Variants in BCL2L13 observed in about 807,000 individuals in gnomAD.
BCL2L13 encodes the protein bcl-2-like protein 13.
BCL2L13 carries 13 observed loss-of-function variants against 25.8 expected under a neutral mutation model. The ratio of observed to expected loss-of-function variants is 0.50; its 90% CI spans 0.33 to 0.80. The LOEUF is 0.80. Ranked by LOEUF, BCL2L13 falls within the 30% of genes least tolerant of loss-of-function variation. The pLI is 0.02. For synonymous variants in BCL2L13, 244 were observed against 230.3 expected (o/e 1.06, Z -0.54); for missense variants, 504 against 574.9 (o/e 0.88, Z 1.26).
upstream of BCL2L13, chr22:17,628,911 T>TG: frequency 1.9e-6 from 1 of 514,818 alleles, no homozygotes; most frequent in Non-Finnish European, 3.5e-6. Flanking sequence ...TGACCGGTAT[T>TG]TTTTTCCTAA....
chr22:17,657,828 T>TC (rs2058929932), intron 2 of BCL2L13, among the ~76,000 whole-genome samples: 3 of 93,390 alleles, frequency 3.2e-5, no homozygotes. Context: ...CATTTCTTTT[T>TC]TTTTTTTTTT....
At chr22:17,705,132 G>T (rs2060553134) in intron 6 of BCL2L13, among the ~76,000 whole-genome samples, 1 of 151,648 alleles carries the variant, frequency 6.6e-6, no homozygotes. Flanking sequence ...AATTATCTGG[G>T]TGTGGTGGCA....
At chr22:17,638,636 A>C (rs2058153085), upstream of BCL2L13, 2 of 1,219,724 alleles carry the variant, frequency 1.6e-6, no homozygotes, top group Non-Finnish European at 2.0e-6. Flanking sequence ...TCACATCTGG[A>C]CGGAGAGACC....
rs551041986 is a variant in BCL2L13, at chr22:17,669,689, G to A, written c.122-13525G>A. Among the ~76,000 whole-genome samples the A allele has an allele frequency of 3.3e-5, 5 of 152,230 alleles. No individual in the cohort carries two copies. The South Asian group carries it at 6.2e-4, about 19-fold the overall frequency. On this transcript the variant is annotated intron_variant, in intron 2 of 6. Coordinates refer to ENST00000317582, the MANE Select transcript of BCL2L13 (RefSeq NM_015367.4). ...TTAAACAAAGCAAAATATAGTAGCC[G>A]TTACAAATGGATTAATCCATTCGTG... is the stretch of plus-strand genomic sequence containing the variant.
intron 6 of BCL2L13, among the ~76,000 whole-genome samples, chr22:17,723,558 C>A (rs1026493501): frequency 5.3e-5 from 8 of 152,096 alleles, no homozygotes; most frequent in African/African-American, 1.9e-4. Flanking sequence ...ATTAAAATGA[C>A]AACACAAACA....
chr22:17,696,366 C>T (rs16981019), intron 5 of BCL2L13, among the ~76,000 whole-genome samples, 156 bp downstream of exon 5: 234 of 152,268 alleles, frequency 1.5e-3, no homozygotes, highest in African/African-American at 5.3e-3. Context: ...ACTGGTTTTT[C>T]GATTAATGCT....
intron 6 of BCL2L13, among the ~76,000 whole-genome samples, chr22:17,714,818 A>G (rs2060867399): frequency 6.6e-6 from 1 of 151,886 alleles, no homozygotes; most frequent in East Asian, 1.9e-4. Flanking sequence ...AGAGACTTGC[A>G]GGTCTAGAAT....
intron 2 of BCL2L13, among the ~76,000 whole-genome samples, chr22:17,672,235 A>G (rs182459495): frequency 6.6e-6 from 1 of 152,374 alleles, no homozygotes; most frequent in African/African-American, 2.4e-5. Flanking sequence ...AGGACCAGAT[A>G]CTGCATGCTA....
chr22:17,631,710 T>A (rs1438666650), intron 1 of BCL2L13, among the ~76,000 whole-genome samples: 270 of 13,170 alleles, frequency 0.021, no homozygotes, highest in South Asian at 0.041. Flanking sequence ...ATATATATTT[T>A]TTTTTTTTTT....
chr22:17,705,518 C>T lies in BCL2L13; in HGVS notation c.600+3132C>T, dbSNP rs868264088. 7.2e-5 allele frequency among the ~76,000 whole-genome samples: 11 copies of T among 151,788 alleles called. No homozygotes were observed. The East Asian group carries it at 1.4e-3, about 19-fold the overall frequency. ...TTCACTGTGTTAGCCAGGATGGTCTCGATCTCCTGACCTCGTGATCCACCC... is the reference window on the plus strand; with the variant it reads ...TTCACTGTGTTAGCCAGGATGGTCTTGATCTCCTGACCTCGTGATCCACCC... On this transcript the variant is annotated intron_variant, in intron 6 of 6. Transcript: ENST00000317582.
chr22:17,679,632 A>C (rs903834803), intron 2 of BCL2L13, among the ~76,000 whole-genome samples: 1 of 151,982 alleles, frequency 6.6e-6, no homozygotes, highest in Non-Finnish European at 1.5e-5. Context: ...AATCACCTGA[A>C]AGTAGAAGAA....
At chr22:17,647,202 C>T (rs1217933620) in intron 1 of BCL2L13, among the ~76,000 whole-genome samples, 2 of 151,728 alleles carry the variant, frequency 1.3e-5, no homozygotes, top group African/African-American at 2.4e-5. Flanking sequence ...TTTCGATCTC[C>T]TGACCTTGTG....
intron 1 of BCL2L13, among the ~76,000 whole-genome samples, chr22:17,640,262 G>A (rs1384212415): frequency 6.6e-6 from 1 of 152,180 alleles, no homozygotes; most frequent in African/African-American, 2.4e-5. Context: ...AGGCAGTTAA[G>A]GGTATTGAAA....
chr22:17,635,494 T>C (rs1018259840), upstream of BCL2L13, among the ~76,000 whole-genome samples: 121 of 152,318 alleles, frequency 7.9e-4, no homozygotes, highest in African/African-American at 2.7e-3. Context: ...ACAATCTCTT[T>C]CCTCATTGAA....
upstream of BCL2L13, among the ~76,000 whole-genome samples, chr22:17,636,005 G>A (rs990932987): frequency 1.3e-5 from 2 of 149,794 alleles, no homozygotes; most frequent in East Asian, 2.1e-4. Flanking sequence ...CACCACGCCC[G>A]GCCTACAAAA....
Position 17,638,844 on chromosome 22 carries a change from C to T in BCL2L13, c.-93C>T, listed in dbSNP as rs997899890. On this transcript the variant is annotated 5_prime_UTR_variant, in exon 1 of 7. Coordinates refer to ENST00000317582, the MANE Select transcript of BCL2L13 (RefSeq NM_015367.4). ...GGGACCCTGTCGGAAGCAACTGCCG[C>T]CGCCGCCTCTTTCATCTCTTCTGGG... The T allele has an allele frequency of 1.1e-5, 13 of 1,232,042 alleles. No individual in the cohort carries two copies. The highest frequency in any genetic ancestry group is 1.3e-5 in the Non-Finnish European group (13 of 988,350). The allele number at this position is 1,232,042 out of a possible 1,614,324, so 76.3% of individuals were successfully genotyped here.
intron 1 of BCL2L13, 143 bp from the exon 2 acceptor site, chr22:17,655,519 A>G (rs2058827064): frequency 9.7e-6 from 4 of 410,648 alleles, no homozygotes; most frequent in African/African-American, 6.3e-5. Flanking sequence ...TGGTGAGCTG[A>G]GATTGCGCCA....
In BCL2L13 at chr22:17,696,230, TTC is replaced by T; in HGVS notation, c.456+24_456+25del. On this transcript the variant is annotated intron_variant, in intron 5 of 6. Coordinates refer to ENST00000317582, the MANE Select transcript of BCL2L13 (RefSeq NM_015367.4). ...AATAAGGTATCATCACAATGATCTT[TTC>T]TCTTAAAAGATTTTAGTGTGTTAAT... 6.2e-7 allele frequency: 1 copy of T among 1,603,712 alleles called. No homozygotes were observed. Among genetic ancestry groups the T allele is most frequent in the Non-Finnish European group, 8.5e-7 (1 of 1,170,774 alleles).
chr22:17,629,511 C>T (rs1029469137), intron 1 of BCL2L13, among the ~76,000 whole-genome samples: 1 of 152,138 alleles, frequency 6.6e-6, no homozygotes, highest in South Asian at 2.1e-4. Context: ...GAAATCCCCC[C>T]AGGCTCATTT....
Sources: gnomAD v4.1 joint callset for allele counts (sites outside exome capture counted in the v4.1 genomes callset) on GRCh38, gnomAD v4.1.1 for gene constraint, MANE v1.5 for transcripts, NCBI Gene and HGNC (gene_info 2026-07-23, HGNC 2026-07-21) for gene names.